Variants in POTEC observed in about 807,000 individuals in gnomAD.
POTEC encodes the protein POTE ankyrin domain family member C.
Under a neutral mutation model 62.0 loss-of-function variants are expected in POTEC, and 35 were observed. The observed-to-expected ratio is 0.56, with a 90% confidence interval of 0.43 to 0.75. The LOEUF (loss-of-function observed/expected upper bound fraction) is 0.75, where lower values mean the gene tolerates loss of function less well. Among genes scored for constraint, POTEC ranks in the 30% least tolerant of loss-of-function variants. The pLI is 0.00. For synonymous variants in POTEC, 156 were observed against 221.5 expected, an observed-to-expected ratio of 0.70 and a Z score of 2.62; for missense variants, 472 against 655.9, an observed-to-expected ratio of 0.72 and a Z score of 3.06.
chr18:14,533,453 TCC>T (rs1264515141), intron 4 of POTEC, among the ~76,000 whole-genome samples: 1 of 152,056 alleles, frequency 6.6e-6, no homozygotes, highest in Non-Finnish European at 1.5e-5. Context: ...TAATTTAAAG[TCC>T]TTTGATGGGC....
chr18:14,530,351 T>C (rs1598480238), intron 6 of POTEC, 132 bp downstream of exon 6: 2 of 1,232,980 alleles, frequency 1.6e-6, no homozygotes, highest in Non-Finnish European at 2.3e-6. Context: ...AAATGAAACA[T>C]GGCTGAATAA....
At chr18:14,532,605 G>A (rs568738081) in intron 5 of POTEC, among the ~76,000 whole-genome samples, 17 of 152,128 alleles carry the variant, frequency 1.1e-4, no homozygotes, top group Non-Finnish European at 1.6e-4. Flanking sequence ...TCCTCCTTCT[G>A]ACTTGATAAA....
chr18:14,515,164 AAG>A (rs1247863254), intron 9 of POTEC, among the ~76,000 whole-genome samples: 3 of 152,142 alleles, frequency 2.0e-5, no homozygotes, highest in Non-Finnish European at 2.9e-5. Context: ...GTTTCTACCA[AAG>A]TACCAATGTC....
intron 5 of POTEC, among the ~76,000 whole-genome samples, chr18:14,532,585 CTTT>C (rs1405396265): frequency 6.6e-6 from 1 of 151,824 alleles, no homozygotes; most frequent in Admixed American, 6.6e-5. Context: ...TTGGAATGTC[CTTT>C]TTTTTCTCCT....
At chr18:14,542,187 G>C (rs541086860) in intron 1 of POTEC, among the ~76,000 whole-genome samples, 2 of 152,194 alleles carry the variant, frequency 1.3e-5, no homozygotes, top group East Asian at 1.9e-4. Flanking sequence ...AGGTTACTCA[G>C]TAAAGAACGT....
chr18:14,541,142 G>A (rs947567984), intron 1 of POTEC, among the ~76,000 whole-genome samples: 1 of 152,134 alleles, frequency 6.6e-6, no homozygotes, highest in African/African-American at 2.4e-5. Context: ...ACCTGCCTTG[G>A]CCTCCCAAAG....
At chr18:14,517,216 G>T (rs1319399750) in intron 9 of POTEC, among the ~76,000 whole-genome samples, 1 of 151,964 alleles carries the variant, frequency 6.6e-6, no homozygotes, top group Non-Finnish European at 1.5e-5. Flanking sequence ...TTAATTGAAG[G>T]CAACTTTTAT....
intron 9 of POTEC, among the ~76,000 whole-genome samples, chr18:14,514,905 C>T (rs556963730): frequency 1.3e-5 from 2 of 152,206 alleles, no homozygotes; most frequent in Non-Finnish European, 2.9e-5. Flanking sequence ...CCACTATACA[C>T]CAACTACAAC....
chr18:14,519,052 T>A (rs1910242306), intron 9 of POTEC, among the ~76,000 whole-genome samples: 1 of 152,176 alleles, frequency 6.6e-6, no homozygotes, highest in African/African-American at 2.4e-5. Flanking sequence ...AGACTGCAGA[T>A]GAGGGTGGCT....
Position 14,511,676 on chromosome 18 carries a change from A to T in POTEC, c.*222T>A. On this transcript the variant is annotated 3_prime_UTR_variant, in exon 11 of 11. Coordinates refer to ENST00000358970, the MANE Select transcript of POTEC (RefSeq NM_001137671.2). ...TCTACAATGACATGATTGAATTTCC[A>T]TTTCCAGTGTTTCCTAGCTGTGTCT... is the stretch of plus-strand genomic sequence containing the variant. 1 of 597,106 alleles carries T rather than the reference A, an allele frequency of 1.7e-6. No individual in the cohort carries two copies. Among genetic ancestry groups the T allele is most frequent in the East Asian group, 2.8e-5 (1 of 35,318 alleles). The allele number at this position is 597,106 out of a possible 1,614,324, so 37.0% of individuals were successfully genotyped here. A position where few individuals can be genotyped will look rare whatever the true frequency, so the allele number is the denominator to read the frequency against.
At chr18:14,523,890 A>G (rs1176868811) in intron 7 of POTEC, among the ~76,000 whole-genome samples, 2 of 152,136 alleles carry the variant, frequency 1.3e-5, no homozygotes, top group Non-Finnish European at 2.9e-5. Flanking sequence ...AGTGTTCCAA[A>G]GGCTTCCTCA....
In POTEC at chr18:14,542,797, A is replaced by G; in HGVS notation, c.350T>C (p.Val117Ala). 1 of 1,613,700 alleles carries G rather than the reference A, an allele frequency of 6.2e-7. No homozygotes were observed. Among genetic ancestry groups the G allele is most frequent in the Non-Finnish European group, 8.5e-7 (1 of 1,179,762 alleles). ...PCCRGSGKSN[V>A]GAWGDYDDSA... ...GTCGTCGTAGTCTCCCCAAGCGCCC[A>G]CGTTGCTCTTGCCGCTCCCCCTGCA... Residue 117 changes from valine to alanine, a missense_variant, in exon 1 of 11, where the codon GTG (valine) becomes GCG (alanine). Physicochemically the swap from Val to Ala is moderately conservative, Grantham distance 64. This residue lies in a region of POTEC where 257 missense variants were observed against 250.7 expected (regional missense o/e 1.03). Transcript: ENST00000358970.
chr18:14,535,190 C>T (rs910867634), intron 3 of POTEC, among the ~76,000 whole-genome samples, 183 bp from the exon 4 acceptor site: 112 of 149,044 alleles, frequency 7.5e-4, no homozygotes, highest in African/African-American at 2.6e-3. Context: ...CTCTGCCTCA[C>T]CACATTAAAT....
intron 9 of POTEC, among the ~76,000 whole-genome samples, chr18:14,517,139 C>T (rs201668179): frequency 0.39 from 56,265 of 144,176 alleles, 12,339 homozygotes; most frequent in African/African-American, 0.57. Context: ...AACCAATTCA[C>T]CTTGACCAAA....
intron 3 of POTEC, among the ~76,000 whole-genome samples, chr18:14,536,234 CA>C (rs1394966858): frequency 7.0e-6 from 1 of 143,512 alleles, no homozygotes; most frequent in African/African-American, 2.7e-5. Context: ...CAAAAACAAA[CA>C]AAAATTTAGA....
At chr18:14,526,249 G>A (rs1157380425) in intron 6 of POTEC, among the ~76,000 whole-genome samples, 2 of 152,018 alleles carry the variant, frequency 1.3e-5, no homozygotes, top group African/African-American at 4.8e-5. Flanking sequence ...TGATTCTGCA[G>A]ATCTTTCCCC....
chr18:14,519,305 C>A (rs1910248589), intron 9 of POTEC, among the ~76,000 whole-genome samples: 1 of 152,092 alleles, frequency 6.6e-6, no homozygotes, highest in African/African-American at 2.4e-5. Flanking sequence ...GTGTGATACC[C>A]AATAACTAAC....
At chr18:14,513,033 G>A (rs1191597790) in intron 10 of POTEC, among the ~76,000 whole-genome samples, 4 of 151,766 alleles carry the variant, frequency 2.6e-5, no homozygotes, top group Admixed American at 6.5e-5. Flanking sequence ...CATTATAGTA[G>A]TAAGTGTGAA....
rs965642908 is a variant in POTEC at position 14,508,271 on chromosome 18, C to T, written c.*3627G>A. On this transcript the variant is annotated 3_prime_UTR_variant, in exon 11 of 11. Coordinates refer to ENST00000358970, the MANE Select transcript of POTEC (RefSeq NM_001137671.2). Reference sequence around the variant, plus strand: ...GATGTTTTGTTCATTCCCTTTCATTCTTTTTTCCCCCATTCTTGTTTGCCT... The same window carrying T: ...GATGTTTTGTTCATTCCCTTTCATTTTTTTTTCCCCCATTCTTGTTTGCCT... 5 of 152,508 alleles carry T rather than the reference C, an allele frequency of 3.3e-5. No individual in the cohort carries two copies. The highest frequency in any genetic ancestry group is 7.4e-5 in the Non-Finnish European group (5 of 68,022). The allele number at this position is 152,508 out of a possible 1,614,324, so 9.4% of individuals were successfully genotyped here.
Sources: allele counts gnomAD v4.1 joint callset (sites outside exome capture counted in the v4.1 genomes callset), GRCh38; gene constraint gnomAD v4.1.1; regional missense constraint gnomAD v4.1.1; transcripts MANE v1.5; gene names NCBI Gene and HGNC (gene_info 2026-07-23, HGNC 2026-07-21).